STIM2: variants seen among roughly 807,000 people sequenced by gnomAD.
The protein encoded by STIM2 is stromal interaction molecule 2.
Under a neutral mutation model 85.8 loss-of-function variants are expected in STIM2, and 31 were observed. The ratio of observed to expected loss-of-function variants is 0.36; its 90% confidence interval spans 0.27 to 0.49. The LOEUF (loss-of-function observed/expected upper bound fraction) is 0.49. Among genes scored for constraint, STIM2 ranks in the 20% least tolerant of loss-of-function variants. The probability of loss-of-function intolerance (pLI) is 0.98; values close to 1 mark genes in which losing one functional copy is unlikely to be tolerated. For synonymous variants in STIM2, 356 were observed against 331.1 expected (o/e 1.08, Z -0.82); for missense variants, 841 against 927.6 (o/e 0.91, Z 1.21).
intron 1 of STIM2, among the ~76,000 whole-genome samples, chr4:26,897,409 T>G (rs1399691754): frequency 1.3e-5 from 2 of 152,236 alleles, no homozygotes; most frequent in Non-Finnish European, 2.9e-5. Context: ...ATTTTATCTG[T>G]CATCTCTGTA....
intron 1 of STIM2, among the ~76,000 whole-genome samples, chr4:26,887,030 G>A (rs80197589): frequency 0.2 from 30,104 of 151,834 alleles, 3,105 homozygotes; most frequent in East Asian, 0.41. Flanking sequence ...TGAAAATCAA[G>A]TTCATTGTTA....
chr4:26,902,107 C>T (rs1723945682), intron 1 of STIM2, among the ~76,000 whole-genome samples: 1 of 151,890 alleles, frequency 6.6e-6, no homozygotes, highest in Non-Finnish European at 1.5e-5. Context: ...GTGATGTGAC[C>T]AGATTCATAT....
chr4:27,024,699 AATG>A lies in STIM2; in HGVS notation c.*1706_*1708del, dbSNP rs1729027692. 6.6e-6 allele frequency: 1 copy of A among 152,230 alleles called. No individual in the cohort carries two copies. Among genetic ancestry groups the A allele is most frequent in the Non-Finnish European group, 1.5e-5 (1 of 68,058 alleles). The allele number at this position is 152,230 out of a possible 1,614,324, so 9.4% of individuals were successfully genotyped here. ...TGAAATGAACATAGCGTTTTGCACTAATGATAAGATAACCTGAGAGGTAGGGTT... is the reference window on the plus strand; with the variant it reads ...TGAAATGAACATAGCGTTTTGCACTAATAAGATAACCTGAGAGGTAGGGTT... On this transcript the variant is annotated 3_prime_UTR_variant, in exon 12 of 12. Transcript: ENST00000467087.
intron 1 of STIM2, among the ~76,000 whole-genome samples, chr4:26,870,435 A>C (rs1722572863): frequency 6.6e-6 from 1 of 152,192 alleles, no homozygotes; most frequent in Admixed American, 6.5e-5. Flanking sequence ...ATTATGCCTT[A>C]CTGAAGTTAT....
intron 1 of STIM2, among the ~76,000 whole-genome samples, chr4:26,893,719 CG>C (rs1259413894): frequency 2.6e-5 from 4 of 152,020 alleles, no homozygotes; most frequent in African/African-American, 9.7e-5. Flanking sequence ...TTTGCCAAAG[CG>C]GATGTATCAG....
chr4:26,860,993 C>A lies in STIM2; in HGVS notation c.-226C>A, dbSNP rs1337533017. The A allele has an allele frequency of 1.5e-6, 2 of 1,294,494 alleles. No individual in the cohort carries two copies. Among genetic ancestry groups the A allele is most frequent in the Non-Finnish European group, 2.0e-6 (2 of 1,011,654 alleles). 80.2% of individuals were successfully genotyped at this position (1,294,494 alleles called of 1,614,324 possible). Reference sequence around the variant, plus strand: ...CCGGGATCAGAGCTCCGGAGGCCGCCGGTGCCGATGGGACCAGGCTGGCGC... The same window carrying A: ...CCGGGATCAGAGCTCCGGAGGCCGCAGGTGCCGATGGGACCAGGCTGGCGC... On this transcript the variant is annotated 5_prime_UTR_variant, in exon 1 of 12. Coordinates refer to ENST00000467087, the MANE Select transcript of STIM2 (RefSeq NM_020860.4).
Position 26,995,909 on chromosome 4 carries a change from G to A in STIM2, c.509+419G>A, listed in dbSNP as rs1379528966. Among the ~76,000 whole-genome samples, 3 of 151,910 alleles carry A rather than the reference G, an allele frequency of 2.0e-5. No homozygotes were observed. The South Asian group carries it at 6.2e-4, about 32-fold the overall frequency. ...AACCATCGAATTATGGCGTCTATAC[G>A]TTATACCTGAATTTTAAAAATGAAA... is the stretch of plus-strand genomic sequence containing the variant. On this transcript the variant is annotated intron_variant, in intron 4 of 11. Transcript: ENST00000467087.
At chr4:26,897,913 A>C (rs1179040910) in intron 1 of STIM2, among the ~76,000 whole-genome samples, 5 of 152,128 alleles carry the variant, frequency 3.3e-5, no homozygotes, top group African/African-American at 1.2e-4. Context: ...CCACAGGTGC[A>C]CCACCATGCC....
At chr4:26,861,486 G>T (rs1722190024) in intron 1 of STIM2, 117 bp downstream of exon 1, 1 of 1,224,632 alleles carries the variant, frequency 8.2e-7, no homozygotes. Context: ...GCCAGGGCGC[G>T]ATGCGGAGCC....
Position 27,023,420 on chromosome 4 carries a change from A to C in STIM2, c.*424A>C, listed in dbSNP as rs1436322676. 6.0e-6 allele frequency: 1 copy of C among 165,994 alleles called. No individual in the cohort carries two copies. The highest frequency in any genetic ancestry group is 1.3e-5 in the Non-Finnish European group (1 of 75,434). The allele number at this position is 165,994 out of a possible 1,614,324, so 10.3% of individuals were successfully genotyped here. The stretch of plus-strand genomic sequence containing the variant: ...CACAGAGCTATTTACATCCTGGACT[A>C]TATAACTTAAAAGAAGTAAAACGTA... On this transcript the variant is annotated 3_prime_UTR_variant, in exon 12 of 12. Coordinates refer to ENST00000467087, the MANE Select transcript of STIM2 (RefSeq NM_020860.4).
At chr4:26,947,186 T>C (rs1725865480) in intron 2 of STIM2, among the ~76,000 whole-genome samples, 1 of 152,072 alleles carries the variant, frequency 6.6e-6, no homozygotes, top group Non-Finnish European at 1.5e-5. Context: ...CATCAGAACT[T>C]AGGAGGTTGG....
intron 5 of STIM2, 23 bp from the exon 6 acceptor site, chr4:27,002,194 A>T (rs1322618786): frequency 6.4e-7 from 1 of 1,556,260 alleles, no homozygotes; most frequent in South Asian, 1.2e-5. Flanking sequence ...GATTAATTTA[A>T]TCATCTGTAA....
At chr4:26,963,480 G>A (rs1167936886) in intron 3 of STIM2, among the ~76,000 whole-genome samples, 2 of 152,066 alleles carry the variant, frequency 1.3e-5, no homozygotes, top group African/African-American at 4.8e-5. Flanking sequence ...ATAAGGTAGT[G>A]TTATCTTTGT....
At chr4:26,864,663 AT>A (rs1422950728) in intron 1 of STIM2, among the ~76,000 whole-genome samples, 6 of 152,124 alleles carry the variant, frequency 3.9e-5, no homozygotes, top group Admixed American at 3.9e-4. Context: ...CTGTAATACC[AT>A]TTCACTGATT....
At chr4:26,966,097 T>G (rs1726705829) in intron 3 of STIM2, among the ~76,000 whole-genome samples, 1 of 152,136 alleles carries the variant, frequency 6.6e-6, no homozygotes, top group African/African-American at 2.4e-5. Flanking sequence ...GTTCACAGAC[T>G]CAAGGGATAC....
intron 2 of STIM2, among the ~76,000 whole-genome samples, chr4:26,933,920 G>A (rs1725302591): frequency 6.6e-6 from 1 of 152,104 alleles, no homozygotes; most frequent in Non-Finnish European, 1.5e-5. Context: ...ACGGCTGGGT[G>A]CATTGGCTCA....
At chr4:26,901,921 T>G (rs548267331) in intron 1 of STIM2, among the ~76,000 whole-genome samples, 1 of 152,300 alleles carries the variant, frequency 6.6e-6, no homozygotes, top group Non-Finnish European at 1.5e-5. Flanking sequence ...AAAATGTTAT[T>G]AAGAGTGCAG....
chr4:26,937,477 C>T (rs543535152), intron 2 of STIM2, among the ~76,000 whole-genome samples: 1 of 152,256 alleles, frequency 6.6e-6, no homozygotes, highest in South Asian at 2.1e-4. Flanking sequence ...GTTTAGGACA[C>T]TTCACATAGT....
intron 3 of STIM2, among the ~76,000 whole-genome samples, chr4:26,968,581 A>G (rs78779529): frequency 0.036 from 5,526 of 152,246 alleles, 139 homozygotes; most frequent in South Asian, 0.076. Context: ...TAAGATGAAA[A>G]GAGTTCTGGA....
Sources: gnomAD v4.1 joint callset for allele counts (sites outside exome capture counted in the v4.1 genomes callset) on GRCh38, gnomAD v4.1.1 for gene constraint, MANE v1.5 for transcripts, NCBI Gene and HGNC (gene_info 2026-07-23, HGNC 2026-07-21) for gene names.